PTAFR: variants seen among roughly 807,000 people sequenced by gnomAD.
The protein encoded by PTAFR is platelet activating factor receptor.
In PTAFR, 8 loss-of-function variants were observed where a neutral mutation model predicts 14.7. The observed-to-expected ratio is 0.54, with a 90% CI of 0.32 to 0.98. The LOEUF is 0.98. Ranked by LOEUF, PTAFR falls within the 50% of genes least tolerant of loss-of-function variation. PTAFR has a pLI of 0.04. For synonymous variants in PTAFR, 156 were observed against 176.5 expected (o/e 0.88, Z 0.92); for missense variants, 337 against 451.2 (o/e 0.75, Z 2.29).
chr1:28,192,125 A>C (rs967977700), intron 1 of PTAFR, among the ~76,000 whole-genome samples: 1 of 152,030 alleles, frequency 6.6e-6, no homozygotes, highest in African/African-American at 2.4e-5. Context: ...CTGGGACCAG[A>C]CTCACCTAAG....
At chr1:28,187,434 C>T (rs1213256333) in intron 1 of PTAFR, among the ~76,000 whole-genome samples, 1 of 152,068 alleles carries the variant, frequency 6.6e-6, no homozygotes, top group Non-Finnish European at 1.5e-5. Flanking sequence ...GGAATAACAA[C>T]CCACGAAAAG....
rs370623408 is a variant in PTAFR at position 28,164,049 on chromosome 1, AGCATTCGGCCCTCATCCCT to A, written c.-39+12524_-39+12542del. Among the ~76,000 whole-genome samples the A allele has an allele frequency of 1.8e-4, 28 of 152,308 alleles. No homozygotes were observed. In the Middle Eastern group the frequency reaches 0.014, roughly 74 times the overall value. ...GGATCTGGTACCCTTTTCCCTGTGC[AGCATTCGGCCCTCATCCCT>A]GCTGGAAACATTCCCAGTCCCTAGG... On this transcript the variant is annotated intron_variant, in intron 1 of 1. Transcript: ENST00000373857.
Position 28,175,158 on chromosome 1 carries a change from C to T in PTAFR, c.-39+1434G>A, listed in dbSNP as rs1000108889. The stretch of plus-strand genomic sequence containing the variant: ...CCATCTCTTGACCTCGTGATCTACC[C>T]GCCTCGGCCTCCTAAAGTGCTGGGA... On this transcript the variant is annotated intron_variant, in intron 1 of 1. Transcript: ENST00000373857. 5.3e-5 allele frequency among the ~76,000 whole-genome samples: 8 copies of T among 152,204 alleles called. No homozygotes were observed. The East Asian group carries it at 5.8e-4, about 11-fold the overall frequency.
At chr1:28,186,027 G>A (rs1456436279) in intron 1 of PTAFR, among the ~76,000 whole-genome samples, 1 of 152,004 alleles carries the variant, frequency 6.6e-6, no homozygotes, top group Non-Finnish European at 1.5e-5. Flanking sequence ...ACCCATGCTG[G>A]AGTGCAGTGG....
chr1:28,173,153 T>C (rs1017436932), intron 1 of PTAFR, among the ~76,000 whole-genome samples: 2 of 143,222 alleles, frequency 1.4e-5, no homozygotes, highest in Admixed American at 1.4e-4. Flanking sequence ...CCAGGCATGG[T>C]GGCATGCGCC....
chr1:28,179,567 G>A (rs1646546320), upstream of PTAFR, among the ~76,000 whole-genome samples: 1 of 152,028 alleles, frequency 6.6e-6, no homozygotes, highest in South Asian at 2.1e-4. Context: ...TGTAATCCCA[G>A]CACTTTGGGA....
At position 28,149,965 on chromosome 1, in the gene PTAFR, G is replaced by A; in HGVS notation, c.*28C>T. On this transcript the variant is annotated 3_prime_UTR_variant, in exon 2 of 2. Transcript: ENST00000373857. ...AGCTCAGTCCATGATGTTCATGGAG[G>A]AGAAGACTTCAGGCCTGGAAGCAGG... is the stretch of plus-strand genomic sequence containing the variant. The A allele has an allele frequency of 1.9e-6, 3 of 1,590,124 alleles. No individual in the cohort carries two copies. Among genetic ancestry groups the A allele is most frequent in the Non-Finnish European group, 2.6e-6 (3 of 1,167,226 alleles).
At chr1:28,167,264 A>G (rs1437525799) in intron 1 of PTAFR, among the ~76,000 whole-genome samples, 2 of 152,210 alleles carry the variant, frequency 1.3e-5, no homozygotes, top group Non-Finnish European at 2.9e-5. Flanking sequence ...AGTAACAACA[A>G]TAACAAAAAA....
intron 1 of PTAFR, among the ~76,000 whole-genome samples, chr1:28,163,910 T>A (rs1399486281): frequency 6.6e-6 from 1 of 152,222 alleles, no homozygotes; most frequent in East Asian, 1.9e-4. Context: ...GTTTAACACA[T>A]GGGCACAGTT....
intron 1 of PTAFR, among the ~76,000 whole-genome samples, chr1:28,186,253 G>A (rs1183804954): frequency 6.6e-6 from 1 of 151,988 alleles, no homozygotes; most frequent in Non-Finnish European, 1.5e-5. Context: ...CCAAAGTGCT[G>A]GGATTACAGG....
At chr1:28,191,220 G>A (rs1418272933) in intron 1 of PTAFR, among the ~76,000 whole-genome samples, 2 of 152,220 alleles carry the variant, frequency 1.3e-5, no homozygotes, top group African/African-American at 4.8e-5. Flanking sequence ...GCCTGACAGG[G>A]AGAACAATCC....
chr1:28,161,595 A>G (rs1307490197), intron 1 of PTAFR, among the ~76,000 whole-genome samples: 1 of 151,974 alleles, frequency 6.6e-6, no homozygotes, highest in East Asian at 1.9e-4. Flanking sequence ...GATCTGCCTG[A>G]TTTAGTCTCC....
chr1:28,158,024 G>A (rs879767785), intron 1 of PTAFR, among the ~76,000 whole-genome samples: 4 of 152,156 alleles, frequency 2.6e-5, no homozygotes, highest in Admixed American at 1.3e-4. Context: ...TCATGCATTC[G>A]TTGGACAAGC....
At chr1:28,169,797 C>T (rs1460432084) in intron 1 of PTAFR, among the ~76,000 whole-genome samples, 4 of 152,008 alleles carry the variant, frequency 2.6e-5, no homozygotes, top group Admixed American at 6.5e-5. Context: ...GTAAGGAGTT[C>T]GAGACCAGCC....
intron 1 of PTAFR, among the ~76,000 whole-genome samples, chr1:28,184,959 CTGT>C (rs1341045693): frequency 6.6e-5 from 10 of 152,110 alleles, no homozygotes; most frequent in African/African-American, 1.9e-4. Flanking sequence ...CCTTTTGCAC[CTGT>C]TGTTCTCTCT....
At chr1:28,169,513 A>T (rs1646429232) in intron 1 of PTAFR, among the ~76,000 whole-genome samples, 2 of 152,186 alleles carry the variant, frequency 1.3e-5, no homozygotes, top group South Asian at 4.1e-4. Context: ...TTAAGAGCAC[A>T]GACTCTGGAG....
chr1:28,151,505 G>A (rs1268605120), intron 1 of PTAFR, among the ~76,000 whole-genome samples: 1 of 152,026 alleles, frequency 6.6e-6, no homozygotes, highest in East Asian at 1.9e-4. Flanking sequence ...CCCCAGTGCA[G>A]AGGTGTGGCC....
chr1:28,167,835 C>T (rs1197498472), intron 1 of PTAFR, among the ~76,000 whole-genome samples: 1 of 150,356 alleles, frequency 6.7e-6, no homozygotes. Context: ...GACGAGGTTT[C>T]GCCATGTTGG....
At chr1:28,191,314 C>A (rs927164416) in intron 1 of PTAFR, among the ~76,000 whole-genome samples, 1 of 152,194 alleles carries the variant, frequency 6.6e-6, no homozygotes, top group Non-Finnish European at 1.5e-5. Flanking sequence ...TAGATGAGGC[C>A]GCTGGCTTTG....
Sources: gnomAD v4.1 joint callset for allele counts (sites outside exome capture counted in the v4.1 genomes callset) on GRCh38, gnomAD v4.1.1 for gene constraint, MANE v1.5 for transcripts, NCBI Gene and HGNC (gene_info 2026-07-23, HGNC 2026-07-21) for gene names.